Variants in IL1RAP observed in about 807,000 individuals in gnomAD.
The protein encoded by IL1RAP is interleukin 1 receptor accessory protein.
A neutral mutation model predicts 60.7 loss-of-function variants in IL1RAP; 35 were observed. That is an observed-to-expected ratio of 0.58 (90% CI 0.44 to 0.76). The LOEUF is 0.76. Among genes scored for constraint, IL1RAP ranks in the 30% least tolerant of loss-of-function variants. The probability of loss-of-function intolerance (pLI) is 0.00; values close to 1 mark genes in which losing one functional copy is unlikely to be tolerated. For synonymous variants in IL1RAP, 268 were observed against 250.9 expected, an observed-to-expected ratio of 1.07 and a Z score of -0.64; for missense variants, 572 against 693.9, an observed-to-expected ratio of 0.82 and a Z score of 1.97.
intron 3 of IL1RAP, among the ~76,000 whole-genome samples, chr3:190,577,100 C>CAAAAAA (rs34108263): frequency 1.2e-5 from 1 of 86,520 alleles, no homozygotes; most frequent in Non-Finnish European, 2.2e-5. Context: ...GACTCCGTCT[C>CAAAAAA]AAAAAAAAAA....
chr3:190,577,425 C>T (rs1444440483), intron 3 of IL1RAP, among the ~76,000 whole-genome samples: 1 of 152,160 alleles, frequency 6.6e-6, no homozygotes, highest in Non-Finnish European at 1.5e-5. Flanking sequence ...GTTTTTACCA[C>T]ATGAAAATTG....
chr3:190,525,905 C>T (rs1270440707), intron 1 of IL1RAP, among the ~76,000 whole-genome samples: 2 of 152,210 alleles, frequency 1.3e-5, no homozygotes, highest in Non-Finnish European at 2.9e-5. Flanking sequence ...CCCCAAAACA[C>T]TGAACCTAGA....
chr3:190,591,504 G>A (rs1728937871), intron 3 of IL1RAP, among the ~76,000 whole-genome samples: 1 of 152,092 alleles, frequency 6.6e-6, no homozygotes, highest in Non-Finnish European at 1.5e-5. Context: ...TGGAATGGGG[G>A]TATTTTCAGC....
At chr3:190,527,699 T>G (rs1339277753) in intron 1 of IL1RAP, among the ~76,000 whole-genome samples, 1 of 151,766 alleles carries the variant, frequency 6.6e-6, no homozygotes, top group African/African-American at 2.4e-5. Flanking sequence ...TTTTTTTTTT[T>G]TTTTGCTTTT....
At chr3:190,655,901 C>A (rs1734604725), downstream of IL1RAP, 2 of 1,536,496 alleles carry the variant, frequency 1.3e-6, no homozygotes, top group Admixed American at 2.0e-5. Context: ...ACAGTGGAAG[C>A]AGTTTTTGAT....
At chr3:190,540,605 C>A (rs1452158692) in intron 1 of IL1RAP, among the ~76,000 whole-genome samples, 1 of 151,664 alleles carries the variant, frequency 6.6e-6, no homozygotes, top group Non-Finnish European at 1.5e-5. Flanking sequence ...TTTGTAATAA[C>A]AGGAATTAGT....
At position 190,564,248 on chromosome 3, in the gene IL1RAP, G is replaced by T. The variant is rs371956868; in HGVS notation, c.-1-41G>T. ...GTTATTATTATTTAAGCCCTTGAAAGTAGTAAGTGATTTCCCTTACCTTTG... is the reference window on the plus strand; with the variant it reads ...GTTATTATTATTTAAGCCCTTGAAATTAGTAAGTGATTTCCCTTACCTTTG... On this transcript the variant is annotated intron_variant, in intron 2 of 11. Transcript: ENST00000447382. 71 of 1,244,566 alleles carry T rather than the reference G, an allele frequency of 5.7e-5. No homozygotes were observed. The African/African-American group carries it at 7.7e-4, about 13-fold the overall frequency. 77.1% of individuals were successfully genotyped at this position (1,244,566 alleles called of 1,614,324 possible).
Position 190,650,732 on chromosome 3 carries a change from T to G in IL1RAP, c.*2027T>G, listed in dbSNP as rs1734343700. The G allele has an allele frequency of 1.0e-6, 1 of 982,372 alleles. No homozygotes were observed. The highest frequency in any genetic ancestry group is 1.1e-4 in the East Asian group (1 of 8,828). The allele number at this position is 982,372 out of a possible 1,614,324, so 60.9% of individuals were successfully genotyped here. A position where few individuals can be genotyped will look rare whatever the true frequency, so the allele number is the denominator to read the frequency against. On this transcript the variant is annotated 3_prime_UTR_variant, in exon 12 of 12. Coordinates refer to ENST00000447382, the MANE Select transcript of IL1RAP (RefSeq NM_002182.4). Reference sequence around the variant, plus strand: ...CTTTTTTTTAGCCTTATTAATATTTTTCCCTATTAGAAACCACAATTACTC... The same window carrying G: ...CTTTTTTTTAGCCTTATTAATATTTGTCCCTATTAGAAACCACAATTACTC...
At position 190,644,561 on chromosome 3, in the gene IL1RAP, G is replaced by A. The variant is rs182737743; in HGVS notation, c.1201+164G>A. On this transcript the variant is annotated intron_variant, in intron 10 of 11. Transcript: ENST00000447382. ...AACCGTTGCTATTAGAAATCTTTCC[G>A]AAGATTATTATTCTATTTTCTTGGA... Among the ~76,000 whole-genome samples, 65 of 152,200 alleles carry A rather than the reference G, an allele frequency of 4.3e-4. No individual in the cohort carries two copies. The East Asian group carries it at 5.8e-3, about 14-fold the overall frequency.
intron 5 of IL1RAP, among the ~76,000 whole-genome samples, chr3:190,619,976 C>T (rs1429194338): frequency 2.0e-5 from 3 of 152,130 alleles, no homozygotes; most frequent in Non-Finnish European, 4.4e-5. Context: ...AAAACTGTAA[C>T]TTTGCTTTAC....
chr3:190,593,657 G>A (rs112856354), intron 3 of IL1RAP, among the ~76,000 whole-genome samples: 12 of 151,992 alleles, frequency 7.9e-5, no homozygotes, highest in Admixed American at 2.6e-4. Flanking sequence ...TTATAAAACC[G>A]TCAGATCTCG....
chr3:190,602,224 C>T (rs1314475280), intron 3 of IL1RAP, among the ~76,000 whole-genome samples: 1 of 152,036 alleles, frequency 6.6e-6, no homozygotes, highest in East Asian at 1.9e-4. Context: ...ATTGAGTGAC[C>T]TTGTGGAACT....
chr3:190,517,150 G>C (rs1721596495), intron 1 of IL1RAP, among the ~76,000 whole-genome samples: 1 of 152,198 alleles, frequency 6.6e-6, no homozygotes, highest in African/African-American at 2.4e-5. Flanking sequence ...TGTCATAAGA[G>C]GGTATTTAAA....
intron 11 of IL1RAP, 28 bp downstream of exon 11, chr3:190,645,870 TG>T: frequency 6.3e-7 from 1 of 1,592,414 alleles, no homozygotes; most frequent in Non-Finnish European, 8.6e-7. Context: ...GTACAAATGA[TG>T]CTACCTTGAA....
At chr3:190,608,336 G>C (rs1730528741) in intron 4 of IL1RAP, among the ~76,000 whole-genome samples, 1 of 152,122 alleles carries the variant, frequency 6.6e-6, no homozygotes, top group South Asian at 2.1e-4. Flanking sequence ...TCACACAGTG[G>C]TAAGGATTTG....
intron 2 of IL1RAP, among the ~76,000 whole-genome samples, chr3:190,561,554 A>C (rs1034289985): frequency 2.0e-5 from 3 of 152,174 alleles, no homozygotes; most frequent in Non-Finnish European, 4.4e-5. Context: ...TGTCTTATAA[A>C]TGTTGCCTTA....
intron 5 of IL1RAP, among the ~76,000 whole-genome samples, chr3:190,615,061 C>T (rs1198036158): frequency 6.7e-6 from 1 of 149,658 alleles, no homozygotes; most frequent in African/African-American, 2.5e-5. Context: ...TCTTTCTCCT[C>T]TTTTTTTTTT....
chr3:190,634,707 G>GTTTTTTTTTTGTTTTTTT (rs1733056790), intron 9 of IL1RAP, among the ~76,000 whole-genome samples: 4 of 134,714 alleles, frequency 3.0e-5, no homozygotes, highest in African/African-American at 1.2e-4. Context: ...GGCCTGTTGT[G>GTTTTTTTTTTGTTTTTTT]TTTTTTTTTT....
chr3:190,549,716 A>G (rs182957789), intron 1 of IL1RAP, among the ~76,000 whole-genome samples: 169 of 120,596 alleles, frequency 1.4e-3, no homozygotes, highest in African/African-American at 4.2e-3. Context: ...CCCGAGCCCA[A>G]TACTAAGTCA....
Sources: gnomAD v4.1 joint callset for allele counts (sites outside exome capture counted in the v4.1 genomes callset) on GRCh38, gnomAD v4.1.1 for gene constraint, MANE v1.5 for transcripts, NCBI Gene and HGNC (gene_info 2026-07-23, HGNC 2026-07-21) for gene names.